The following KCTD18 variants were observed in gnomAD, a reference collection of about 807,000 sequenced individuals.
The protein encoded by KCTD18 is BTB/POZ domain-containing protein KCTD18.
In KCTD18, 22 loss-of-function variants were observed where a neutral mutation model predicts 30.4. That is an observed-to-expected ratio of 0.72 (90% confidence interval 0.52 to 1.03). The LOEUF (loss-of-function observed/expected upper bound fraction) is 1.03. Among genes scored for constraint, KCTD18 ranks in the 50% least tolerant of loss-of-function variants. The pLI, the probability that KCTD18 is intolerant of heterozygous loss-of-function variation, is 0.00. For missense variants in KCTD18, 529 were observed against 547.6 expected (o/e 0.97, Z 0.34); for synonymous variants, 186 against 209.0 (o/e 0.89, Z 0.95).
chr2:200,491,773 G>A (rs1196176133), intron 6 of KCTD18, among the ~76,000 whole-genome samples: 3 of 152,180 alleles, frequency 2.0e-5, no homozygotes, highest in East Asian at 1.9e-4. Flanking sequence ...AGCATGAAAG[G>A]TGACTGCAAT....
intron 1 of KCTD18, among the ~76,000 whole-genome samples, chr2:200,507,303 C>G (rs2030255465): frequency 6.6e-6 from 1 of 152,192 alleles, no homozygotes; most frequent in African/African-American, 2.4e-5. Context: ...AAACGACTAA[C>G]AACCCAATCA....
At chr2:200,501,270 C>A (rs1364120357) in intron 3 of KCTD18, among the ~76,000 whole-genome samples, 6 of 134,712 alleles carry the variant, frequency 4.5e-5, no homozygotes, top group Admixed American at 8.0e-5. Flanking sequence ...GCAACAAAAG[C>A]CAAAATTGAC....
At chr2:200,499,399 T>C (rs1299603249) in intron 3 of KCTD18, among the ~76,000 whole-genome samples, 2 of 152,204 alleles carry the variant, frequency 1.3e-5, no homozygotes, top group East Asian at 3.8e-4. Context: ...CTTTTAATTT[T>C]ATCATCTTTA....
intron 6 of KCTD18, among the ~76,000 whole-genome samples, chr2:200,492,231 A>C (rs1019333019): frequency 6.6e-6 from 1 of 152,148 alleles, no homozygotes; most frequent in Non-Finnish European, 1.5e-5. Context: ...TGCCCTGTGC[A>C]CTGTAGGATG....
chr2:200,504,254 C>T (rs557584257), intron 3 of KCTD18, among the ~76,000 whole-genome samples: 1 of 152,226 alleles, frequency 6.6e-6, no homozygotes, highest in East Asian at 1.9e-4. Flanking sequence ...GTCAGCAGAT[C>T]GAGACCATCC....
At chr2:200,508,962 C>T (rs139914665) in intron 1 of KCTD18, among the ~76,000 whole-genome samples, 5 of 152,340 alleles carry the variant, frequency 3.3e-5, no homozygotes, top group South Asian at 4.1e-4. Flanking sequence ...AGAATCCTTG[C>T]ACAATTCTAC....
chr2:200,493,596 T>G (rs1226468888), intron 5 of KCTD18, among the ~76,000 whole-genome samples: 1 of 152,162 alleles, frequency 6.6e-6, no homozygotes, highest in African/African-American at 2.4e-5. Flanking sequence ...TCAATCTCCA[T>G]CTCTCACTCA....
At chr2:200,508,912 C>T (rs939647576) in intron 1 of KCTD18, among the ~76,000 whole-genome samples, 3 of 152,222 alleles carry the variant, frequency 2.0e-5, no homozygotes, top group African/African-American at 4.8e-5. Context: ...AACCTAATTT[C>T]TTGCATGACC....
chr2:200,506,409 A>G (rs2030201942), intron 2 of KCTD18, among the ~76,000 whole-genome samples: 1 of 152,224 alleles, frequency 6.6e-6, no homozygotes, highest in Admixed American at 6.5e-5. Context: ...CAGCAAGACT[A>G]CACAGCTAGG....
In KCTD18 at chr2:200,490,192, T is replaced by A; in HGVS notation, c.1189A>T (p.Thr397Ser). ...TAPCLPSPTA[T>S]RQANSLKPLP... ...GGCTTGAGGGAGTTGGCCTGCCTCGTGGCCGTGGGGGAGGGCAGGCAAGGC... is the reference window on the plus strand; with the variant it reads ...GGCTTGAGGGAGTTGGCCTGCCTCGAGGCCGTGGGGGAGGGCAGGCAAGGC... Residue 397 changes from threonine (T) to serine (S), a missense_variant, in exon 7 of 7, where the codon ACG becomes TCG. By Grantham distance (58) the Thr-to-Ser change is moderately conservative. Transcript: ENST00000359878. 1.9e-6 allele frequency: 3 copies of A among 1,613,940 alleles called. 1 individual carries two copies. Among genetic ancestry groups the A allele is most frequent in the South Asian group, 2.2e-5 (2 of 91,072 alleles).
chr2:200,493,367 T>A (rs2087951206), intron 5 of KCTD18, 93 bp from the exon 6 acceptor site: 2 of 768,150 alleles, frequency 2.6e-6, no homozygotes, highest in Admixed American at 4.1e-5. Flanking sequence ...GAGTCTGAGG[T>A]TCATGCCTCC....
rs775226990 is a variant in KCTD18 at position 200,489,808 on chromosome 2, T to C, written c.*292A>G. ...CAAAGTGGACCTCTCTAGAGATTAT[T>C]TGTTGTACTGTCTTGTTGCCTTAAT... On this transcript the variant is annotated 3_prime_UTR_variant, in exon 7 of 7. Coordinates refer to ENST00000359878, the MANE Select transcript of KCTD18 (RefSeq NM_152387.4). 5.6e-6 allele frequency: 2 copies of C among 356,206 alleles called. No individual in the cohort carries two copies. Among genetic ancestry groups the C allele is most frequent in the Non-Finnish European group, 1.0e-5 (2 of 198,292 alleles). 22.1% of individuals were successfully genotyped at this position (356,206 alleles called of 1,614,324 possible). A position where few individuals can be genotyped will look rare whatever the true frequency, so the allele number is the denominator to read the frequency against.
intron 3 of KCTD18, among the ~76,000 whole-genome samples, chr2:200,504,225 C>T (rs930613947): frequency 6.6e-6 from 1 of 152,064 alleles, no homozygotes; most frequent in African/African-American, 2.4e-5. Context: ...TTGGGAGGCC[C>T]AGATGGGCGG....
intron 5 of KCTD18, among the ~76,000 whole-genome samples, chr2:200,494,097 G>A (rs1007426098): frequency 6.6e-6 from 1 of 152,194 alleles, no homozygotes; most frequent in Non-Finnish European, 1.5e-5. Flanking sequence ...TATGCTAAGT[G>A]AAAAACACCA....
rs2088039051 is a variant in KCTD18, at chr2:200,498,925, C to T, written c.532G>A (p.Gly178Arg). ...DGTDAIEKQL[G>R]GRIHSKGIFK... ...ATGCCTTTGCTGTGAATTCTTCCTC[C>T]CAGCTGCTTTTCAATAGCGTCTGTT... The change falls in exon 4 of 7, where the codon GGA becomes AGA. Residue 178 changes from glycine (G) to arginine (R), a missense_variant. Transcript: ENST00000359878. The T allele has an allele frequency of 6.2e-7, 1 of 1,613,834 alleles. No individual in the cohort carries two copies. The highest frequency in any genetic ancestry group is 8.5e-7 in the Non-Finnish European group (1 of 1,179,888).
intron 5 of KCTD18, chr2:200,496,490 G>GTGTTT (rs528736916): frequency 6.1e-4 from 93 of 152,590 alleles, no homozygotes; most frequent in East Asian, 9.7e-4. Flanking sequence ...AGCTGATACA[G>GTGTTT]TGTTTTGTTT....
At chr2:200,493,098 T>C (rs2087944710) in intron 6 of KCTD18, 74 bp downstream of exon 6, 1 of 824,778 alleles carries the variant, frequency 1.2e-6, no homozygotes, top group Non-Finnish European at 2.1e-6. Flanking sequence ...TATTATTCAT[T>C]TTCCCTTCAC....
At chr2:200,500,791 C>T (rs866996123) in intron 3 of KCTD18, among the ~76,000 whole-genome samples, 271 of 151,884 alleles carry the variant, frequency 1.8e-3, no homozygotes, top group South Asian at 4.4e-3. Flanking sequence ...CTTTAAAGTT[C>T]ATATGGAACC....
Position 200,490,032 on chromosome 2 carries a change from A to G in KCTD18, c.*68T>C. On this transcript the variant is annotated 3_prime_UTR_variant, in exon 7 of 7. Transcript: ENST00000359878. ...CCCTCTGCTGCATTAAGAAAGTGTC[A>G]CTTCTTTGCGTCGAATGGGTTGAAA... The G allele has an allele frequency of 2.0e-6, 3 of 1,464,198 alleles. No individual in the cohort carries two copies. Among genetic ancestry groups the G allele is most frequent in the Non-Finnish European group, 1.8e-6 (2 of 1,097,428 alleles). The allele number at this position is 1,464,198 out of a possible 1,614,324, so 90.7% of individuals were successfully genotyped here.
Sources: allele counts gnomAD v4.1 joint callset (sites outside exome capture counted in the v4.1 genomes callset), GRCh38; gene constraint gnomAD v4.1.1; transcripts MANE v1.5; gene names NCBI Gene and HGNC (gene_info 2026-07-23, HGNC 2026-07-21).